NWD1: variants seen among roughly 807,000 people sequenced by gnomAD.
NWD1 encodes NACHT and WD repeat domain containing 1.
In NWD1, 129 loss-of-function variants were observed where a neutral mutation model predicts 135.1. The ratio of observed to expected loss-of-function variants is 0.96; its 90% CI spans 0.83 to 1.11. The LOEUF (loss-of-function observed/expected upper bound fraction) is 1.11. NWD1 is among the 50% of genes least tolerant of loss of function. The probability of loss-of-function intolerance (pLI) is 0.00; values close to 1 mark genes in which losing one functional copy is unlikely to be tolerated. For synonymous variants in NWD1, 773 were observed against 786.0 expected (o/e 0.98, Z 0.28); for missense variants, 1,740 against 1,851.3 (o/e 0.94, Z 1.10).
intron 15 of NWD1, 67 bp downstream of exon 15, chr19:16,794,620 G>A: frequency 8.9e-7 from 1 of 1,126,368 alleles, no homozygotes; most frequent in Non-Finnish European, 1.3e-6. Flanking sequence ...AAGGGGGTGG[G>A]GCTTGGGAAC....
At chr19:16,756,233 C>G (rs1402966042) in intron 6 of NWD1, among the ~76,000 whole-genome samples, 1 of 151,952 alleles carries the variant, frequency 6.6e-6, no homozygotes, top group East Asian at 1.9e-4. Flanking sequence ...GCCTGGGTGA[C>G]AGAGCAAGAC....
At chr19:16,807,513 A>C (rs1009024481) in intron 17 of NWD1, 73 bp from the exon 18 acceptor site, 7 of 1,315,050 alleles carry the variant, frequency 5.3e-6, no homozygotes, top group South Asian at 4.6e-5. Context: ...CAAAACAAAA[A>C]AAACCACCAG....
Position 16,744,437 on chromosome 19 carries a change from A to T in NWD1, c.215A>T (p.Gln72Leu). ...GPAFVALIGDQYGPCLIPSRI... is the reference protein window; with the variant it reads ...GPAFVALIGDLYGPCLIPSRI... Reference sequence around the variant, plus strand: ...CTCTGCCAGGCCCTCATCGGTGATCAGTACGGCCCCTGTCTGATTCCCTCG... The same window carrying T: ...CTCTGCCAGGCCCTCATCGGTGATCTGTACGGCCCCTGTCTGATTCCCTCG... The change falls in exon 5 of 19, where the codon CAG becomes CTG. Residue 72 changes from glutamine to leucine, a missense_variant. Gln to Leu is a moderately radical substitution (Grantham distance 113, BLOSUM62 -2). Transcript: ENST00000524140. The T allele has an allele frequency of 2.6e-6, 4 of 1,535,692 alleles. No individual in the cohort carries two copies. The highest frequency in any genetic ancestry group is 3.5e-6 in the Non-Finnish European group (4 of 1,146,606).
chr19:16,791,663 C>G (rs1171449514), intron 14 of NWD1, 41 bp downstream of exon 14: 1 of 1,576,708 alleles, frequency 6.3e-7, no homozygotes, highest in Non-Finnish European at 8.7e-7. Context: ...ATTAACTCAG[C>G]TTGAAAGTGC....
Position 16,807,677 on chromosome 19 carries a change from G to A in NWD1, c.3828G>A (p.Ser1276=), listed in dbSNP as rs769843259. 1.4e-5 allele frequency: 23 copies of A among 1,610,424 alleles called. 1 individual carries two copies. The South Asian group carries it at 2.3e-4, about 16-fold the overall frequency. ...QRKLLFTGLV[S]GVVLVFPLNS... is the part of the protein sequence containing the mutation. ...AGCTCCTATTTACGGGCCTCGTGTC[G>A]GGGGTCGTCCTTGTGTTCCCCCTGA... is the stretch of plus-strand genomic sequence containing the variant. Residue 1276 remains serine, a synonymous_variant, in exon 18 of 19, where the codon TCG becomes TCA. Transcript: ENST00000524140.
In NWD1 at chr19:16,732,677, T is replaced by TAAAAAAAAAAAAAAAAAAAAAA. The variant is rs1464805489; in HGVS notation, c.81+1399_81+1400insAAAAAAAAAAAAAAAAAAAAAA. On this transcript the variant is annotated intron_variant, in intron 3 of 18. Transcript: ENST00000524140. Reference sequence around the variant, plus strand: ...CTCAAAAAAAAAAAAAAAGAAAAAGTGAAAAAGTGCAGTGGTGTGATCTCA... The same window carrying TAAAAAAAAAAAAAAAAAAAAAA: ...CTCAAAAAAAAAAAAAAAGAAAAAGTAAAAAAAAAAAAAAAAAAAAAAGAAAAAGTGCAGTGGTGTGATCTCA... Among the ~76,000 whole-genome samples, 40 of 85,134 alleles carry TAAAAAAAAAAAAAAAAAAAAAA rather than the reference T, an allele frequency of 4.7e-4. 6 individuals are homozygous for TAAAAAAAAAAAAAAAAAAAAAA. The highest frequency in any genetic ancestry group is 2.3e-3 in the African/African-American group (37 of 16,120). 55.9% of individuals were successfully genotyped at this position (85,134 alleles called of 152,430 possible). A position where few individuals can be genotyped will look rare whatever the true frequency, so the allele number is the denominator to read the frequency against.
At position 16,792,276 on chromosome 19, in the gene NWD1, C is replaced by A. The variant is rs142872949; in HGVS notation, c.3213+654C>A. On this transcript the variant is annotated intron_variant, in intron 14 of 18. Coordinates refer to ENST00000524140, the MANE Select transcript of NWD1 (RefSeq NM_001007525.5). ...TATAGACTGGCTGGGCGCTGTGTCT[C>A]ACTCCTGTAATCCCAGCACTTTGGG... is the stretch of plus-strand genomic sequence containing the variant. 9.0e-3 allele frequency among the ~76,000 whole-genome samples: 1,363 copies of A among 152,172 alleles called. 27 individuals carry two copies. The highest frequency in any genetic ancestry group is 0.031 in the African/African-American group (1,307 of 41,532).
intron 10 of NWD1, among the ~76,000 whole-genome samples, chr19:16,770,294 T>G (rs1969369696): frequency 6.6e-6 from 1 of 152,166 alleles, no homozygotes; most frequent in Admixed American, 6.6e-5. Context: ...AGAGATCTGA[T>G]GGGGCTTTTT....
chr19:16,763,076 G>A (rs534001097), intron 8 of NWD1, among the ~76,000 whole-genome samples: 1 of 151,990 alleles, frequency 6.6e-6, no homozygotes, highest in Non-Finnish European at 1.5e-5. Flanking sequence ...TTACAGGTGG[G>A]ATTACCACAC....
chr19:16,746,399 G>A (rs186548559), intron 5 of NWD1, among the ~76,000 whole-genome samples: 1 of 152,072 alleles, frequency 6.6e-6, no homozygotes, highest in Admixed American at 6.6e-5. Flanking sequence ...AGTTGGCCGG[G>A]TGCGGTGGCT....
intron 5 of NWD1, among the ~76,000 whole-genome samples, chr19:16,747,041 T>C (rs1424377714): frequency 7.2e-6 from 1 of 138,754 alleles, no homozygotes; most frequent in Admixed American, 7.1e-5. Flanking sequence ...TTTTCTTTCT[T>C]TTTTTTTTTT....
intron 17 of NWD1, among the ~76,000 whole-genome samples, chr19:16,804,163 A>G (rs750504231): frequency 1.1e-4 from 17 of 152,264 alleles, no homozygotes; most frequent in Admixed American, 2.6e-4. Flanking sequence ...TTGAGCAAGA[A>G]TGCAGGCTCA....
At chr19:16,728,746 C>T (rs1043744298) in intron 2 of NWD1, among the ~76,000 whole-genome samples, 1 of 144,814 alleles carries the variant, frequency 6.9e-6, no homozygotes, top group African/African-American at 2.6e-5. Flanking sequence ...AGATTGAGAC[C>T]ATCCTGGCTA....
intron 12 of NWD1, among the ~76,000 whole-genome samples, chr19:16,785,977 G>T (rs1970026958): frequency 6.6e-6 from 1 of 151,766 alleles, no homozygotes; most frequent in Admixed American, 6.6e-5. Flanking sequence ...CAATCTTCCT[G>T]CCTCAGCCTC....
chr19:16,807,961 T>A lies in NWD1; in HGVS notation c.4112T>A (p.Leu1371His), dbSNP rs1284163608. The A allele has an allele frequency of 1.2e-6, 2 of 1,614,138 alleles. No homozygotes were observed. The highest frequency in any genetic ancestry group is 1.7e-6 in the Non-Finnish European group (2 of 1,180,030). The change falls in exon 18 of 19, where the codon CTC becomes CAC. Residue 1371 changes from leucine (L) to histidine (H), a missense_variant. Physicochemically the swap from Leu to His is moderately conservative, Grantham distance 99. Transcript: ENST00000524140. The part of the protein sequence containing the change: ...RVVYSMTNGD[L>H]FLYECATSKA... Reference sequence around the variant, plus strand: ...GTCTACAGCATGACCAATGGGGACCTCTTTCTTTACGAGTGTGCAACTTCC... The same window carrying A: ...GTCTACAGCATGACCAATGGGGACCACTTTCTTTACGAGTGTGCAACTTCC...
chr19:16,751,081 A>G (rs1599465950), intron 6 of NWD1, among the ~76,000 whole-genome samples: 2 of 151,940 alleles, frequency 1.3e-5, no homozygotes, highest in East Asian at 1.9e-4. Context: ...AAAATTAGCC[A>G]GGCGTGGTGG....
intron 7 of NWD1, 101 bp downstream of exon 7, chr19:16,759,529 C>A: frequency 1.2e-6 from 1 of 818,704 alleles, no homozygotes; most frequent in Non-Finnish European, 2.0e-6. Flanking sequence ...CTTCACTTAC[C>A]ATTCCCAGGG....
intron 2 of NWD1, among the ~76,000 whole-genome samples, chr19:16,724,943 C>A (rs182604558): frequency 9.9e-5 from 15 of 152,186 alleles, no homozygotes; most frequent in Non-Finnish European, 1.5e-4. Context: ...GTCCACCCAC[C>A]TCGACCTCCC....
chr19:16,776,349 C>G (rs1479852859), intron 11 of NWD1, among the ~76,000 whole-genome samples: 1 of 151,990 alleles, frequency 6.6e-6, no homozygotes, highest in Non-Finnish European at 1.5e-5. Flanking sequence ...GCAGGTGGAT[C>G]ATGAGATCAG....
Sources: allele counts gnomAD v4.1 joint callset (sites outside exome capture counted in the v4.1 genomes callset), GRCh38; gene constraint gnomAD v4.1.1; transcripts MANE v1.5; gene names NCBI Gene and HGNC (gene_info 2026-07-23, HGNC 2026-07-21).